The following TTC21A variants were observed in gnomAD, a reference collection of about 807,000 sequenced individuals.
The protein encoded by TTC21A is tetratricopeptide repeat domain 21A.
Under a neutral mutation model 156.4 loss-of-function variants are expected in TTC21A, and 128 were observed. The ratio of observed to expected loss-of-function variants is 0.82; its 90% CI spans 0.71 to 0.95. The LOEUF is 0.95. Ranked by LOEUF, TTC21A falls within the 40% of genes least tolerant of loss-of-function variation. The pLI, the probability that TTC21A is intolerant of heterozygous loss-of-function variation, is 0.00. For missense variants in TTC21A, 1,435 were observed against 1,602.3 expected, an observed-to-expected ratio of 0.90 and a Z score of 1.78; for synonymous variants, 587 against 617.1, an observed-to-expected ratio of 0.95 and a Z score of 0.72.
rs61746458 is a variant in TTC21A, at chr3:39,130,176, G to T, written c.2208+25G>T. 0.017 allele frequency: 26,780 copies of T among 1,612,952 alleles called. 657 individuals are homozygous for T. Among genetic ancestry groups the T allele is most frequent in the East Asian group, 0.13 (5,879 of 44,844 alleles). ...GGTAAGTGAGAGGCCTCACAGCCTT[G>T]CCAAGTGGCCCCCCAGTCTCCCTTC... On this transcript the variant is annotated intron_variant, in intron 16 of 28. Coordinates refer to ENST00000683103, the MANE Select transcript of TTC21A (RefSeq NM_001366900.1). The surrounding 1 kb of genome is among the most constrained non-coding windows in gnomAD (Gnocchi z 4.5).
rs770221180 is a variant in TTC21A, at chr3:39,134,710, G to A, written c.2862+382G>A. On this transcript the variant is annotated intron_variant, in intron 21 of 28. Coordinates refer to ENST00000683103, the MANE Select transcript of TTC21A (RefSeq NM_001366900.1). This position sits in a 1 kb window ranked among gnomAD's most constrained non-coding sequence, Gnocchi z 4.6. ...CTCCTCTAGGGCTGGCCCAGGAGCAGAAGCTGAGCCCTTGCAGAGCAAGGA... is the reference window on the plus strand; with the variant it reads ...CTCCTCTAGGGCTGGCCCAGGAGCAAAAGCTGAGCCCTTGCAGAGCAAGGA... 1 of 469,424 alleles carries A rather than the reference G, an allele frequency of 2.1e-6. No individual in the cohort carries two copies. Among genetic ancestry groups the A allele is most frequent in the South Asian group, 2.2e-5 (1 of 45,316 alleles). 29.1% of individuals were successfully genotyped at this position (469,424 alleles called of 1,614,324 possible).
At position 39,137,051 on chromosome 3, in the gene TTC21A, C is replaced by G; in HGVS notation, c.3248C>G (p.Ala1083Gly). 1 of 1,611,606 alleles carries G rather than the reference C, an allele frequency of 6.2e-7. No homozygotes were observed. Among genetic ancestry groups the G allele is most frequent in the Non-Finnish European group, 8.5e-7 (1 of 1,179,222 alleles). The change falls in exon 24 of 29, where the codon GCT becomes GGT. Residue 1083 changes from alanine to glycine, a missense_variant. Ala to Gly is a moderately conservative substitution (Grantham distance 60). Coordinates refer to ENST00000683103, the MANE Select transcript of TTC21A (RefSeq NM_001366900.1). ...GGAGAGGCTTTTGAGAACCAGGGAG[C>G]TGAGAGCAAGTAAGGGCCCATGGAG... The part of the protein sequence containing the change: ...VGGEAFENQG[A>G]ESNYMEKKEL...
intron 19 of TTC21A, chr3:39,131,397 A>G (rs2125847310): frequency 3.6e-6 from 1 of 280,060 alleles, no homozygotes; most frequent in South Asian, 5.1e-5. Flanking sequence ...ATGCATTGAA[A>G]GCTCTGTGCT....
rs146896581 is a variant in TTC21A at position 39,133,848 on chromosome 3, G to A, written c.2752-370G>A. 2.6e-3 allele frequency among the ~76,000 whole-genome samples: 400 copies of A among 152,310 alleles called. 3 individuals are homozygous for A. Among genetic ancestry groups the A allele is most frequent in the African/African-American group, 7.9e-3 (327 of 41,556 alleles). On this transcript the variant is annotated intron_variant, in intron 20 of 28. Transcript: ENST00000683103. ...TACCCTTGGGCAAGGGCATGTAGAC[G>A]AGAGCACAGGCAGCGCTAATGCCAT...
chr3:39,115,429 G>A (rs2037203311), intron 6 of TTC21A, among the ~76,000 whole-genome samples: 1 of 152,184 alleles, frequency 6.6e-6, no homozygotes, highest in Admixed American at 6.5e-5. Flanking sequence ...GGGAGGCCGA[G>A]GCAGGAGGAT....
In TTC21A at chr3:39,111,007, G is replaced by T; in HGVS notation, c.425G>T (p.Gly142Val). Residue 142 changes from glycine to valine, a missense_variant, in exon 4 of 29, where the codon GGC becomes GTC. Physicochemically the swap from Gly to Val is moderately radical, Grantham distance 109. Coordinates refer to ENST00000683103, the MANE Select transcript of TTC21A (RefSeq NM_001366900.1). ...YIDRMLKISR[G>V]FREAYVLRGW... The stretch of plus-strand genomic sequence containing the variant: ...GACCGCATGCTGAAGATTTCTAGAG[G>T]CTTCAGAGAGGTACTTACCACACCA... The T allele has an allele frequency of 6.2e-7, 1 of 1,609,318 alleles. No homozygotes were observed. The highest frequency in any genetic ancestry group is 8.5e-7 in the Non-Finnish European group (1 of 1,177,062).
In TTC21A at chr3:39,130,212, G is replaced by A; in HGVS notation, c.2209-36G>A. 6.2e-7 allele frequency: 1 copy of A among 1,611,988 alleles called. No homozygotes were observed. The highest frequency in any genetic ancestry group is 8.5e-7 in the Non-Finnish European group (1 of 1,178,746). On this transcript the variant is annotated intron_variant, in intron 16 of 28. Transcript: ENST00000683103. This position sits in a 1 kb window ranked among gnomAD's most constrained non-coding sequence, Gnocchi z 4.5. Reference sequence around the variant, plus strand: ...CCCCAGTCTCCCTTCTCCAGTGGGAGAGAAGAGGAAGACCCAAAGACACTT... The same window carrying A: ...CCCCAGTCTCCCTTCTCCAGTGGGAAAGAAGAGGAAGACCCAAAGACACTT...
At position 39,129,018 on chromosome 3, in the gene TTC21A, C is replaced by T. The variant is rs542835510; in HGVS notation, c.1897-54C>T. The T allele has an allele frequency of 3.1e-6, 5 of 1,606,904 alleles. No individual in the cohort carries two copies. The East Asian group carries it at 6.7e-5, about 22-fold the overall frequency. ...CCAGGAACCAGGTTCTTTGATTCCA[C>T]CCACTGTTTACTTGTGCATCAAGTG... is the stretch of plus-strand genomic sequence containing the variant. On this transcript the variant is annotated intron_variant, in intron 14 of 28. Coordinates refer to ENST00000683103, the MANE Select transcript of TTC21A (RefSeq NM_001366900.1).
intron 7 of TTC21A, 36 bp from the exon 8 acceptor site, chr3:39,119,886 C>T (rs749050425): frequency 6.9e-7 from 1 of 1,452,972 alleles, no homozygotes; most frequent in Non-Finnish European, 9.6e-7. Flanking sequence ...TGACCTTGCA[C>T]CTTGCATGTT....
In TTC21A at chr3:39,129,144, A is replaced by G. The variant is rs1330167179; in HGVS notation, c.1969A>G (p.Ile657Val). ...CACACCAGAAGAGAACCGCATCACCATTGCCAACGTGGACTTGGTCCTGAG... is the reference window on the plus strand; with the variant it reads ...CACACCAGAAGAGAACCGCATCACCGTTGCCAACGTGGACTTGGTCCTGAG... ...GGTPEENRITIANVDLVLSKG... is the reference protein window; with the variant it reads ...GGTPEENRITVANVDLVLSKG... Residue 657 changes from isoleucine to valine, a missense_variant, in exon 15 of 29, where the codon ATT becomes GTT. Ile to Val is a conservative substitution (Grantham distance 29, BLOSUM62 3). Transcript: ENST00000683103. 5 of 1,614,252 alleles carry G rather than the reference A, an allele frequency of 3.1e-6. No individual in the cohort carries two copies. The East Asian group carries it at 8.9e-5, about 29-fold the overall frequency.
chr3:39,109,551 T>C (rs1261762797), intron 2 of TTC21A, among the ~76,000 whole-genome samples: 1 of 151,952 alleles, frequency 6.6e-6, no homozygotes, highest in Non-Finnish European at 1.5e-5. Flanking sequence ...GAGGTAGGTG[T>C]GAGGACAGGT....
In TTC21A at chr3:39,107,778, C is replaced by T. The variant is rs1158603389; in HGVS notation, c.-60C>T. On this transcript the variant is annotated 5_prime_UTR_variant, in exon 1 of 29. Coordinates refer to ENST00000683103, the MANE Select transcript of TTC21A (RefSeq NM_001366900.1). ...CGATAGAGTGCCCACGACCCTGCCT[C>T]GGGAATCCCGCTCTGCACCGCCCCA... 1.9e-6 allele frequency: 3 copies of T among 1,609,742 alleles called. No homozygotes were observed. The highest frequency in any genetic ancestry group is 2.2e-5 in the East Asian group (1 of 44,854).
At position 39,136,648 on chromosome 3, in the gene TTC21A, G is replaced by A. The variant is rs1011701545; in HGVS notation, c.3095+141G>A. Reference sequence around the variant, plus strand: ...ACCCAGCAAGTGAGGGCCCATGGGGGCAGGGGTGGAACCCTGTGGAAGTCA... The same window carrying A: ...ACCCAGCAAGTGAGGGCCCATGGGGACAGGGGTGGAACCCTGTGGAAGTCA... On this transcript the variant is annotated intron_variant, in intron 23 of 28. Transcript: ENST00000683103. 43 of 1,161,600 alleles carry A rather than the reference G, an allele frequency of 3.7e-5. 1 individual carries two copies. The South Asian group carries it at 6.4e-4, about 17-fold the overall frequency. The allele number at this position is 1,161,600 out of a possible 1,614,324, so 72.0% of individuals were successfully genotyped here.
At chr3:39,120,088 C>A (rs1575518057) in intron 8 of TTC21A, 68 bp downstream of exon 8, 1 of 1,210,898 alleles carries the variant, frequency 8.3e-7, no homozygotes, top group East Asian at 2.4e-5. Context: ...GAACTGTGCT[C>A]CCCCAGGAAG....
rs372979070 is a variant in TTC21A at position 39,138,743 on chromosome 3, C to G, written c.3897C>G (p.Ile1299Met). The G allele has an allele frequency of 1.2e-6, 2 of 1,613,996 alleles. No homozygotes were observed. The highest frequency in any genetic ancestry group is 2.7e-5 in the African/African-American group (2 of 74,908). ...VLREHPDYPKIREEILEKARR... is the reference protein window; with the variant it reads ...VLREHPDYPKMREEILEKARR... ...GGGAGCACCCCGACTACCCCAAGAT[C>G]AGGGAGGAAATTTTGGAAAAGGCCC... Residue 1299 changes from isoleucine (I) to methionine (M), a missense_variant, in exon 29 of 29, where the codon ATC becomes ATG. Coordinates refer to ENST00000683103, the MANE Select transcript of TTC21A (RefSeq NM_001366900.1).
chr3:39,117,502 G>C (rs1458429345), intron 6 of TTC21A, among the ~76,000 whole-genome samples: 2 of 152,212 alleles, frequency 1.3e-5, no homozygotes, highest in Admixed American at 1.3e-4. Flanking sequence ...CCATCTTACA[G>C]TGACTGCCCC....
rs2038955111 is a variant in TTC21A at position 39,134,364 on chromosome 3, T to C, written c.2862+36T>C. ...CCCAGCACCCACTCCCTCCCCTCCC[T>C]TCCTCCCTTCCCAGGGTCCCTGTGA... On this transcript the variant is annotated intron_variant, in intron 21 of 28. Coordinates refer to ENST00000683103, the MANE Select transcript of TTC21A (RefSeq NM_001366900.1). This position sits in a 1 kb window ranked among gnomAD's most constrained non-coding sequence, Gnocchi z 4.6. The C allele has an allele frequency of 1.4e-6, 2 of 1,431,290 alleles. No homozygotes were observed. Among genetic ancestry groups the C allele is most frequent in the South Asian group, 1.1e-5 (1 of 87,488 alleles). The allele number at this position is 1,431,290 out of a possible 1,614,324, so 88.7% of individuals were successfully genotyped here.
At chr3:39,135,227 C>T in intron 22 of TTC21A, 53 bp downstream of exon 22, 2 of 1,498,720 alleles carry the variant, frequency 1.3e-6, no homozygotes, top group Non-Finnish European at 1.9e-6. Flanking sequence ...GCAAGGGCCG[C>T]TCTCCCAGAG....
intron 5 of TTC21A, 29 bp from the exon 6 acceptor site, chr3:39,114,556 C>T (rs780277151): frequency 8.7e-6 from 14 of 1,612,066 alleles, no homozygotes; most frequent in Middle Eastern, 3.3e-4. Context: ...ACTCCCTTCA[C>T]GGAGGCTCTT....
Sources: gnomAD v4.1 joint callset for allele counts (sites outside exome capture counted in the v4.1 genomes callset) on GRCh38, gnomAD v4.1.1 for gene constraint, Gnocchi (gnomAD v3.1) non-coding constraint, MANE v1.5 for transcripts, NCBI Gene and HGNC (gene_info 2026-07-23, HGNC 2026-07-21) for gene names.